CUX1: variants seen among roughly 807,000 people sequenced by gnomAD.
CUX1 encodes the protein protein CASP.
A neutral mutation model predicts 158.8 loss-of-function variants in CUX1; 31 were observed. That is an observed-to-expected ratio of 0.20 (90% CI 0.15 to 0.26). The LOEUF is 0.26. CUX1 is among the 10% of genes least tolerant of loss of function. The pLI is 1.00. For missense variants in CUX1, 1,589 were observed against 2,014.6 expected (o/e 0.79, Z 4.04); for synonymous variants, 879 against 862.1 (o/e 1.02, Z -0.34).
intron 10 of CUX1, among the ~76,000 whole-genome samples, chr7:102,173,381 T>C (rs1380811464): frequency 2.6e-5 from 4 of 152,086 alleles, no homozygotes; most frequent in African/African-American, 7.2e-5. Context: ...AAAAAAGATA[T>C]GATTGAAGTG....
intron 1 of CUX1, among the ~76,000 whole-genome samples, chr7:101,845,700 G>T (rs1469720532): frequency 6.6e-6 from 1 of 152,180 alleles, no homozygotes; most frequent in Non-Finnish European, 1.5e-5. Context: ...AGCAACAGTG[G>T]TATCACCTGG....
chr7:102,175,397 G>A (rs1308299620), intron 10 of CUX1, among the ~76,000 whole-genome samples: 1 of 152,144 alleles, frequency 6.6e-6, no homozygotes. Context: ...AGATGAAGAC[G>A]TGATATAGCA....
Position 102,257,212 on chromosome 7 carries a change from C to A in CUX1, c.*8170C>A. On this transcript the variant is annotated 3_prime_UTR_variant, in exon 24 of 24. Transcript: ENST00000292535. ...AAGAGCATCTCTTTCCATATCATCA[C>A]CTCCCCTTCTCCAAGATTGCCGGGG... The A allele has an allele frequency of 2.0e-6, 2 of 985,398 alleles. No individual in the cohort carries two copies. The highest frequency in any genetic ancestry group is 2.4e-6 in the Non-Finnish European group (2 of 829,914). 61.0% of individuals were successfully genotyped at this position (985,398 alleles called of 1,614,324 possible). A position where few individuals can be genotyped will look rare whatever the true frequency, so the allele number is the denominator to read the frequency against.
chr7:102,040,303 G>A (rs921494448), intron 3 of CUX1, among the ~76,000 whole-genome samples: 1 of 152,180 alleles, frequency 6.6e-6, no homozygotes, highest in African/African-American at 2.4e-5. Context: ...GAGGAAAGAA[G>A]CAAGGAGAAC....
At position 102,172,926 on chromosome 7, in the gene CUX1, T is replaced by A. The variant is rs956291144; in HGVS notation, c.828+2376T>A. On this transcript the variant is annotated intron_variant, in intron 10 of 23. Coordinates refer to ENST00000292535, the MANE Select transcript of CUX1 (RefSeq NM_181552.4). ...AAATTTTAAAATTAGCTGGGCATGG[T>A]GGTATGTGCCTGTAGTCCCAGCTAC... Among the ~76,000 whole-genome samples, 3 of 152,058 alleles carry A rather than the reference T, an allele frequency of 2.0e-5. No homozygotes were observed. In the East Asian group the frequency reaches 5.8e-4, roughly 29 times the overall value.
chr7:102,063,834 G>A (rs771576971), intron 3 of CUX1, among the ~76,000 whole-genome samples: 22 of 152,168 alleles, frequency 1.4e-4, no homozygotes, highest in Admixed American at 3.3e-4. Context: ...GCCCGTGGTC[G>A]GGAGGAAAAA....
Position 101,836,227 on chromosome 7 carries a change from C to T in CUX1, c.30+18558C>T, listed in dbSNP as rs532944467. ...AGAATGCTGCTTTTAACACCCAGCC[C>T]GTTCCATCTCTCTCTCTTCTGCCTT... On this transcript the variant is annotated intron_variant, in intron 1 of 23. Coordinates refer to ENST00000292535, the MANE Select transcript of CUX1 (RefSeq NM_181552.4). Among the ~76,000 whole-genome samples, 5 of 152,256 alleles carry T rather than the reference C, an allele frequency of 3.3e-5. No individual in the cohort carries two copies. The South Asian group carries it at 6.2e-4, about 19-fold the overall frequency.
upstream of CUX1, among the ~76,000 whole-genome samples, chr7:101,816,317 A>T (rs909597326): frequency 1.4e-5 from 2 of 144,332 alleles, no homozygotes; most frequent in Admixed American, 1.4e-4. Context: ...TGTTCAATTC[A>T]TCGATCAGCC....
chr7:101,903,151 G>A (rs981472621), intron 1 of CUX1, among the ~76,000 whole-genome samples: 1 of 152,190 alleles, frequency 6.6e-6, no homozygotes, highest in African/African-American at 2.4e-5. Flanking sequence ...GAGGCCAAGA[G>A]GAGGGGCAGG....
At chr7:102,243,174 T>C (rs762180644) in intron 23 of CUX1, among the ~76,000 whole-genome samples, 1 of 152,078 alleles carries the variant, frequency 6.6e-6, no homozygotes, top group Non-Finnish European at 1.5e-5. Context: ...CTCAGGAGGC[T>C]GAGGCAAGAG....
rs149305664 is a variant in CUX1 at position 102,158,890 on chromosome 7, C to T, written c.723+282C>T. On this transcript the variant is annotated intron_variant, in intron 9 of 23. Coordinates refer to ENST00000292535, the MANE Select transcript of CUX1 (RefSeq NM_181552.4). ...GGTAACTGTCTCCTTTTCCCTACTCCATCTCTAAACACCCGTCTTTGTAGC... is the reference window on the plus strand; with the variant it reads ...GGTAACTGTCTCCTTTTCCCTACTCTATCTCTAAACACCCGTCTTTGTAGC... Among the ~76,000 whole-genome samples, 224 of 152,338 alleles carry T rather than the reference C, an allele frequency of 1.5e-3. 1 individual carries two copies. Among genetic ancestry groups the T allele is most frequent in the African/African-American group, 5.1e-3 (212 of 41,586 alleles).
intron 8 of CUX1, among the ~76,000 whole-genome samples, chr7:102,139,300 C>G (rs1554499582): frequency 6.7e-6 from 1 of 149,290 alleles, no homozygotes; most frequent in Non-Finnish European, 1.5e-5. Flanking sequence ...CAGGGTCCTT[C>G]TGTAAGTTAA....
At chr7:101,861,537 C>A (rs1797455375) in intron 1 of CUX1, among the ~76,000 whole-genome samples, 1 of 151,904 alleles carries the variant, frequency 6.6e-6, no homozygotes, top group South Asian at 2.1e-4. Context: ...TGCTGGTTGG[C>A]CCCCTGGGTG....
At chr7:101,998,833 C>T (rs376970430) in intron 2 of CUX1, among the ~76,000 whole-genome samples, 16 of 152,178 alleles carry the variant, frequency 1.1e-4, no homozygotes, top group Non-Finnish European at 1.0e-4. Context: ...CTCTCTTCGT[C>T]GCTTTCTTAA....
At chr7:102,277,932 T>TGCGTG in intron 17 of CUX1, 16 of 1,150,362 alleles carry the variant, frequency 1.4e-5, no homozygotes, top group Non-Finnish European at 2.0e-5. Context: ...CCCCTTTCCT[T>TGCGTG]GCCCCTCCCC....
At chr7:102,135,571 T>TTTG (rs1563293130) in intron 8 of CUX1, among the ~76,000 whole-genome samples, 23 of 149,350 alleles carry the variant, frequency 1.5e-4, no homozygotes, top group Non-Finnish European at 2.8e-4. Flanking sequence ...GTGTGTGTGT[T>TTTG]TGTGTGTGTG....
intron 7 of CUX1, 44 bp from the exon 8 acceptor site, chr7:102,115,163 T>C: frequency 1.3e-6 from 2 of 1,559,716 alleles, no homozygotes; most frequent in African/African-American, 1.4e-5. Context: ...GTATGCATTC[T>C]TTTAAAATTT....
At chr7:102,023,179 C>T (rs965059640) in intron 2 of CUX1, among the ~76,000 whole-genome samples, 1 of 152,164 alleles carries the variant, frequency 6.6e-6, no homozygotes, top group African/African-American at 2.4e-5. Context: ...CACGTCACTG[C>T]ACTCCAGCCT....
intron 1 of CUX1, among the ~76,000 whole-genome samples, chr7:101,901,288 C>T (rs1802112388): frequency 6.6e-6 from 1 of 151,912 alleles, no homozygotes; most frequent in African/African-American, 2.4e-5. Context: ...AATAATTAAG[C>T]AAAATCTGTT....
Sources: allele counts gnomAD v4.1 joint callset (sites outside exome capture counted in the v4.1 genomes callset), GRCh38; gene constraint gnomAD v4.1.1; transcripts MANE v1.5; gene names NCBI Gene and HGNC (gene_info 2026-07-23, HGNC 2026-07-21).